The following ADGRE5 variants were observed in gnomAD, a reference collection of about 807,000 sequenced individuals.
ADGRE5 encodes adhesion G protein-coupled receptor E5.
Under a neutral mutation model 100.3 loss-of-function variants are expected in ADGRE5, and 72 were observed. The observed-to-expected ratio is 0.72, with a 90% confidence interval of 0.59 to 0.87. ADGRE5 has a LOEUF of 0.87. Among genes scored for constraint, ADGRE5 ranks in the 40% least tolerant of loss-of-function variants. ADGRE5 has a pLI of 0.00. For synonymous variants in ADGRE5, 439 were observed against 447.8 expected (o/e 0.98, Z 0.25); for missense variants, 959 against 1,094.7 (o/e 0.88, Z 1.75).
intron 3 of ADGRE5, among the ~76,000 whole-genome samples, chr19:14,389,356 GGGGAT>G (rs1975507660): frequency 1.2e-5 from 1 of 82,574 alleles, no homozygotes; most frequent in East Asian, 4.6e-4. Context: ...GGAAGGGGAG[GGGGAT>G]GAGGAGGGAG....
chr19:14,386,872 G>T (rs534786181), intron 1 of ADGRE5, among the ~76,000 whole-genome samples: 1 of 151,558 alleles, frequency 6.6e-6, no homozygotes, highest in Non-Finnish European at 1.5e-5. Flanking sequence ...AAAATCAGCC[G>T]GGCTTGGTGG....
At chr19:14,398,731 C>T (rs1975888538) in intron 9 of ADGRE5, among the ~76,000 whole-genome samples, 1 of 150,836 alleles carries the variant, frequency 6.6e-6, no homozygotes, top group African/African-American at 2.4e-5. Flanking sequence ...GTTCAAATCC[C>T]CCCATTGCCA....
intron 9 of ADGRE5, among the ~76,000 whole-genome samples, chr19:14,398,729 C>G (rs1037165518): frequency 6.7e-6 from 1 of 149,538 alleles, no homozygotes; most frequent in African/African-American, 2.4e-5. Flanking sequence ...AAGTTCAAAT[C>G]CCCCCATTGC....
Position 14,391,114 on chromosome 19 carries a change from C to T in ADGRE5, c.346+35C>T, listed in dbSNP as rs753782807. On this transcript the variant is annotated intron_variant, in intron 4 of 19. Transcript: ENST00000242786. ...ACCCCACGTCCTCTGACTTTCCATC[C>T]ATGAGGTTTGGGGTCACCAGAGCCA... The T allele has an allele frequency of 2.5e-6, 4 of 1,613,168 alleles. No individual in the cohort carries two copies. In the South Asian group the frequency reaches 4.4e-5, roughly 18 times the overall value.
At chr19:14,404,313 C>A in intron 12 of ADGRE5, 70 bp from the exon 13 acceptor site, 1 of 1,451,938 alleles carries the variant, frequency 6.9e-7, no homozygotes, top group Non-Finnish European at 9.3e-7. Flanking sequence ...CCCTCTTAGA[C>A]TCAGCCCAAG....
chr19:14,397,141 G>A lies in ADGRE5; in HGVS notation c.543G>A (p.Val181=), dbSNP rs564344844. 1.2e-6 allele frequency: 2 copies of A among 1,614,066 alleles called. No homozygotes were observed. The highest frequency in any genetic ancestry group is 2.2e-5 in the East Asian group (1 of 44,874). Residue 181 remains valine (V), a synonymous_variant, in exon 6 of 20, where the codon GTG becomes GTA. Transcript: ENST00000242786. The part of the protein sequence containing the change: ...CHSSTHCLNN[V]GSYQCRCRPG... Reference sequence around the variant, plus strand: ...GCTCCACCCACTGCCTCAACAACGTGGGCAGCTATCAGTGCCGCTGCCGCC... The same window carrying A: ...GCTCCACCCACTGCCTCAACAACGTAGGCAGCTATCAGTGCCGCTGCCGCC...
intron 6 of ADGRE5, 79 bp downstream of exon 6, chr19:14,397,302 C>G (rs1975817386): frequency 1.2e-6 from 2 of 1,600,922 alleles, no homozygotes; most frequent in Non-Finnish European, 8.5e-7. Flanking sequence ...ACAAACCAAG[C>G]AGAATGAGCG....
intron 3 of ADGRE5, among the ~76,000 whole-genome samples, chr19:14,390,363 A>G (rs1975557467): frequency 1.4e-5 from 2 of 144,556 alleles, no homozygotes; most frequent in East Asian, 2.1e-4. Context: ...TCACTCTGTC[A>G]CCCAGGCTGG....
At position 14,381,531 on chromosome 19, in the gene ADGRE5, G is replaced by T. The variant is rs755499613; in HGVS notation, c.8G>T (p.Gly3Val). Residue 3 changes from glycine to valine, a missense_variant, in exon 1 of 20, where the codon GGC (glycine) becomes GTC (valine). By Grantham distance (109) the Gly-to-Val change is moderately radical. Coordinates refer to ENST00000242786, the MANE Select transcript of ADGRE5 (RefSeq NM_078481.4). ...CTGCCGGCAGCTCCAACCATGGGAG[G>T]CCGCGTCTTTCTCGGTAAGTACTTT... MGGRVFLAFCVWL... is the reference protein window; with the variant it reads MGVRVFLAFCVWL... 2 of 1,609,874 alleles carry T rather than the reference G, an allele frequency of 1.2e-6. No homozygotes were observed. The highest frequency in any genetic ancestry group is 1.7e-6 in the Non-Finnish European group (2 of 1,178,440).
intron 8 of ADGRE5, 23 bp from the exon 9 acceptor site, chr19:14,398,039 C>G: frequency 1.2e-6 from 2 of 1,611,622 alleles, no homozygotes; most frequent in South Asian, 1.1e-5. Flanking sequence ...GCTCTCTGAC[C>G]CCCACATCTC....
At position 14,406,391 on chromosome 19, in the gene ADGRE5, T is replaced by A; in HGVS notation, c.1882T>A (p.Cys628Ser). 1 of 1,593,150 alleles carries A rather than the reference T, an allele frequency of 6.3e-7. No individual in the cohort carries two copies. The highest frequency in any genetic ancestry group is 8.5e-7 in the Non-Finnish European group (1 of 1,170,660). ...GCACTACTGTTTCCTGGCCGCCTTCTGCTGGATGAGCCTCGAAGGCCTGGA... is the reference window on the plus strand; with the variant it reads ...GCACTACTGTTTCCTGGCCGCCTTCAGCTGGATGAGCCTCGAAGGCCTGGA... ...LLHYCFLAAF[C>S]WMSLEGLELY... Residue 628 changes from cysteine to serine, a missense_variant, in exon 15 of 20, where the codon TGC becomes AGC. Physicochemically the swap from Cys to Ser is moderately radical, Grantham distance 112. Coordinates refer to ENST00000242786, the MANE Select transcript of ADGRE5 (RefSeq NM_078481.4). The surrounding 1 kb of genome is among the most constrained non-coding windows in gnomAD (Gnocchi z 6.0).
Position 14,405,797 on chromosome 19 carries a change from T to C in ADGRE5, c.1679T>C (p.Phe560Ser). ...AGGGTGGGACTGGCGCTGTCACTCT[T>C]CTGCCTGCTGCTGTGCATCCTCACT... is the stretch of plus-strand genomic sequence containing the variant. ...ITRVGLALSL[F>S]CLLLCILTFL... Residue 560 changes from phenylalanine (F) to serine (S), a missense_variant, in exon 14 of 20, where the codon TTC becomes TCC. Phe to Ser is a radical substitution (Grantham distance 155). Transcript: ENST00000242786. 6.2e-7 allele frequency: 1 copy of C among 1,613,834 alleles called. No individual in the cohort carries two copies. Among genetic ancestry groups the C allele is most frequent in the East Asian group, 2.2e-5 (1 of 44,878 alleles).
At position 14,401,374 on chromosome 19, in the gene ADGRE5, G is replaced by A. The variant is rs2302995; in HGVS notation, c.898-12G>A. ...TGATGCTCCAGCGATTCTGTCACCC[G>A]CCACCCCCTAGAATGTCATCAAATT... is the stretch of plus-strand genomic sequence containing the variant. On this transcript the variant is annotated splice_polypyrimidine_tract_variant and intron_variant, in intron 9 of 19. Coordinates refer to ENST00000242786, the MANE Select transcript of ADGRE5 (RefSeq NM_078481.4). The surrounding 1 kb of genome is among the most constrained non-coding windows in gnomAD (Gnocchi z 4.1). 1.9e-6 allele frequency: 3 copies of A among 1,611,824 alleles called. No individual in the cohort carries two copies. Among genetic ancestry groups the A allele is most frequent in the African/African-American group, 1.3e-5 (1 of 74,812 alleles).
intron 9 of ADGRE5, among the ~76,000 whole-genome samples, chr19:14,398,999 G>A (rs374732978): frequency 6.6e-6 from 1 of 151,534 alleles, no homozygotes; most frequent in East Asian, 2.0e-4. Flanking sequence ...ATACCACCAT[G>A]CCTGGCTTAT....
chr19:14,398,435 C>G, intron 9 of ADGRE5: 1 of 353,098 alleles, frequency 2.8e-6, no homozygotes, highest in East Asian at 6.3e-5. Flanking sequence ...TTTGGAAGGC[C>G]GAGGTGGGCA....
intron 9 of ADGRE5, among the ~76,000 whole-genome samples, chr19:14,398,822 G>GT (rs550992430): frequency 1.1e-4 from 16 of 147,760 alleles, no homozygotes; most frequent in Admixed American, 2.0e-4. Flanking sequence ...GTTGTGGTGT[G>GT]TTTTTTTTTG....
intron 3 of ADGRE5, among the ~76,000 whole-genome samples, chr19:14,390,654 TG>T (rs998913598): frequency 1.3e-5 from 2 of 152,118 alleles, no homozygotes; most frequent in African/African-American, 4.8e-5. Context: ...ACAAAGAGAC[TG>T]GGGATGGGGA....
At chr19:14,381,598 C>T (rs1940344803) in intron 1 of ADGRE5, 53 bp downstream of exon 1, 4 of 1,568,068 alleles carry the variant, frequency 2.6e-6, no homozygotes, top group Non-Finnish European at 3.4e-6. Context: ...AGCGGGACCC[C>T]TTGGCTGCGT....
Position 14,406,431 on chromosome 19 carries a change from T to C in ADGRE5, c.1922T>C (p.Val641Ala). ...SLEGLELYFL[V>A]VRVFQGQGLS... ...GAAGGCCTGGAGCTCTACTTTCTTG[T>C]GGTGCGCGTGTTCCAAGGCCAGGGC... is the stretch of plus-strand genomic sequence containing the variant. Residue 641 changes from valine (V) to alanine (A), a missense_variant, in exon 15 of 20, where the codon GTG becomes GCG. Physicochemically the swap from Val to Ala is moderately conservative, Grantham distance 64. Coordinates refer to ENST00000242786, the MANE Select transcript of ADGRE5 (RefSeq NM_078481.4). This position sits in a 1 kb window ranked among gnomAD's most constrained non-coding sequence, Gnocchi z 6.0. 1.9e-6 allele frequency: 3 copies of C among 1,588,046 alleles called. No individual in the cohort carries two copies. The highest frequency in any genetic ancestry group is 2.6e-6 in the Non-Finnish European group (3 of 1,167,498).
Sources: allele counts gnomAD v4.1 joint callset (sites outside exome capture counted in the v4.1 genomes callset), GRCh38; gene constraint gnomAD v4.1.1; non-coding constraint Gnocchi (gnomAD v3.1); transcripts MANE v1.5; gene names NCBI Gene and HGNC (gene_info 2026-07-23, HGNC 2026-07-21).